The following SARNP variants were observed in gnomAD, a reference collection of about 807,000 sequenced individuals.
The protein encoded by SARNP is SAP domain containing ribonucleoprotein.
Under a neutral mutation model 38.1 loss-of-function variants are expected in SARNP, and 5 were observed. The ratio of observed to expected loss-of-function variants is 0.13; its 90% CI spans 0.07 to 0.28. SARNP has a LOEUF of 0.28. Among genes scored for constraint, SARNP ranks in the 10% least tolerant of loss-of-function variants. The probability of loss-of-function intolerance (pLI) is 1.00; values close to 1 mark genes in which losing one functional copy is unlikely to be tolerated. For synonymous variants in SARNP, 84 were observed against 80.6 expected (o/e 1.04, Z -0.23); for missense variants, 180 against 243.9 (o/e 0.74, Z 1.75).
chr12:55,794,520 AC>A (rs1334078112), intron 6 of SARNP, 133 bp from the exon 7 acceptor site: 3 of 822,146 alleles, frequency 3.6e-6, no homozygotes, highest in Non-Finnish European at 4.1e-6. Context: ...AATTCTAACA[AC>A]CCCATGAAAG....
At chr12:55,768,381 CA>C in intron 9 of SARNP, among the ~76,000 whole-genome samples, 1 of 152,102 alleles carries the variant, frequency 6.6e-6, no homozygotes, top group Non-Finnish European at 1.5e-5. Context: ...CCGCCTACCT[CA>C]GCCTCCCACA....
At chr12:55,763,069 G>A (rs1878723448) in intron 9 of SARNP, among the ~76,000 whole-genome samples, 1 of 152,128 alleles carries the variant, frequency 6.6e-6, no homozygotes, top group South Asian at 2.1e-4. Flanking sequence ...ATAAACTACT[G>A]CCTACACAGT....
rs750045060 is a variant in SARNP at position 55,789,157 on chromosome 12, G to A, written c.433-14C>T. ...ATCCAAGTTAACCTATAAAAACATA[G>A]GGGAAAGAACATAGTTTTAAAAAAT... On this transcript the variant is annotated splice_polypyrimidine_tract_variant and intron_variant, in intron 8 of 10. Transcript: ENST00000336133. The A allele has an allele frequency of 1.1e-5, 17 of 1,561,532 alleles. No individual in the cohort carries two copies. The highest frequency in any genetic ancestry group is 1.2e-5 in the South Asian group (1 of 84,912).
intron 1 of SARNP, among the ~76,000 whole-genome samples, chr12:55,809,928 AGAAACTTTTTACCATATACTCTTTTGT>A (rs1880276126): frequency 6.6e-6 from 1 of 152,216 alleles, no homozygotes; most frequent in South Asian, 2.1e-4. Context: ...AGTGTAGGAA[AGAAACTTTTTACCATATACTCTTTTGT>A]GAACTTGTGC....
At chr12:55,801,703 C>G (rs1263983789) in intron 2 of SARNP, among the ~76,000 whole-genome samples, 4 of 152,096 alleles carry the variant, frequency 2.6e-5, no homozygotes, top group Non-Finnish European at 4.4e-5. Flanking sequence ...CTGCAGCCTC[C>G]CCCTCCTGGG....
chr12:55,817,628 AG>A (rs1414010007), intron 1 of SARNP, 37 bp downstream of exon 1: 6 of 1,597,618 alleles, frequency 3.8e-6, no homozygotes, highest in Admixed American at 1.7e-5. Context: ...TTCAGTTCCT[AG>A]AAAAGTCCAA....
intron 9 of SARNP, among the ~76,000 whole-genome samples, chr12:55,771,925 T>C (rs1879020855): frequency 6.6e-6 from 1 of 152,058 alleles, no homozygotes; most frequent in Admixed American, 6.6e-5. Context: ...TATGAAACAC[T>C]CCAGGGTAAG....
intron 9 of SARNP, among the ~76,000 whole-genome samples, chr12:55,764,315 T>A (rs922255998): frequency 6.6e-6 from 1 of 152,036 alleles, no homozygotes; most frequent in Non-Finnish European, 1.5e-5. Context: ...TCTAAAATCC[T>A]GAGGTCGGGA....
At chr12:55,795,966 A>G in intron 5 of SARNP, 59 bp downstream of exon 5, 3 of 1,166,320 alleles carry the variant, frequency 2.6e-6, no homozygotes, top group Admixed American at 2.0e-5. Flanking sequence ...CAGATATAAT[A>G]AAGGGTAAGA....
intron 9 of SARNP, among the ~76,000 whole-genome samples, chr12:55,761,116 C>T (rs1280469785): frequency 6.6e-6 from 1 of 151,918 alleles, no homozygotes; most frequent in African/African-American, 2.4e-5. Flanking sequence ...GCAGAAGTTG[C>T]ACTGAGCTGA....
At position 55,764,481 on chromosome 12, in the gene SARNP, A is replaced by C. The variant is rs1351219799; in HGVS notation, c.502-3841T>G. On this transcript the variant is annotated intron_variant, in intron 9 of 10. Coordinates refer to ENST00000336133, the MANE Select transcript of SARNP (RefSeq NM_033082.4). ...GGGAGGTGGAGGTTGCGGTGAGCCG[A>C]GATCTCGCCATTGCACTCCAGCCTG... is the stretch of plus-strand genomic sequence containing the variant. Among the ~76,000 whole-genome samples the C allele has an allele frequency of 2.7e-5, 4 of 149,686 alleles. No homozygotes were observed. In the East Asian group the frequency reaches 5.9e-4, roughly 22 times the overall value.
At chr12:55,770,312 G>A (rs568498757) in intron 9 of SARNP, among the ~76,000 whole-genome samples, 5 of 150,382 alleles carry the variant, frequency 3.3e-5, no homozygotes, top group Admixed American at 1.3e-4. Context: ...TGCAAGCTCC[G>A]CCTCCTGGGT....
At chr12:55,787,560 C>A (rs947459804) in intron 9 of SARNP, among the ~76,000 whole-genome samples, 1 of 152,050 alleles carries the variant, frequency 6.6e-6, no homozygotes, top group Non-Finnish European at 1.5e-5. Flanking sequence ...CCTCAGCCCC[C>A]CAAGTAGCTG....
chr12:55,782,572 C>T (rs1036077916), intron 9 of SARNP, among the ~76,000 whole-genome samples: 4 of 152,072 alleles, frequency 2.6e-5, no homozygotes, highest in African/African-American at 7.2e-5. Flanking sequence ...ATCCATCTCC[C>T]ACTCTTTTCT....
intron 9 of SARNP, among the ~76,000 whole-genome samples, chr12:55,769,710 A>G (rs1878949923): frequency 6.6e-6 from 1 of 152,248 alleles, no homozygotes; most frequent in Non-Finnish European, 1.5e-5. Context: ...ATGCATGCTC[A>G]GTAGAAACTA....
At chr12:55,797,790 C>T (rs1879862354) in intron 4 of SARNP, among the ~76,000 whole-genome samples, 1 of 152,108 alleles carries the variant, frequency 6.6e-6, no homozygotes, top group Non-Finnish European at 1.5e-5. Flanking sequence ...TCTCTCCTAC[C>T]CAATCACATA....
At chr12:55,778,357 G>C (rs942543131) in intron 9 of SARNP, among the ~76,000 whole-genome samples, 6 of 152,026 alleles carry the variant, frequency 3.9e-5, no homozygotes, top group African/African-American at 2.4e-5. Flanking sequence ...ATGTTGGCCA[G>C]GCTGGTCTCA....
chr12:55,794,661 G>A (rs1475249216), intron 6 of SARNP, 146 bp downstream of exon 6: 1 of 653,022 alleles, frequency 1.5e-6, no homozygotes, highest in African/African-American at 1.9e-5. Context: ...CAGTAGACAT[G>A]TTCTGAATAG....
intron 8 of SARNP, among the ~76,000 whole-genome samples, chr12:55,789,742 A>C (rs1592570909): frequency 1.3e-5 from 2 of 151,896 alleles, no homozygotes; most frequent in East Asian, 3.9e-4. Context: ...TCAGGAGTTC[A>C]AGACCAGCCT....
Sources: allele counts gnomAD v4.1 joint callset (sites outside exome capture counted in the v4.1 genomes callset), GRCh38; gene constraint gnomAD v4.1.1; transcripts MANE v1.5; gene names NCBI Gene and HGNC (gene_info 2026-07-23, HGNC 2026-07-21).